KCNIP4: variants seen among roughly 807,000 people sequenced by gnomAD.
KCNIP4 encodes potassium voltage-gated channel interacting protein 4, also known as Kv channel-interacting protein 4.
Under a neutral mutation model 34.0 loss-of-function variants are expected in KCNIP4, and 12 were observed. The ratio of observed to expected loss-of-function variants is 0.35; its 90% CI spans 0.23 to 0.57. The LOEUF (loss-of-function observed/expected upper bound fraction) is 0.57, where lower values mean the gene tolerates loss of function less well. Among genes scored for constraint, KCNIP4 ranks in the 20% least tolerant of loss-of-function variants. KCNIP4 has a pLI of 0.83. For synonymous variants in KCNIP4, 124 were observed against 102.2 expected (o/e 1.21, Z -1.29); for missense variants, 238 against 311.7 (o/e 0.76, Z 1.78).
At chr4:20,905,763 G>A (rs530994149) in intron 1 of KCNIP4, among the ~76,000 whole-genome samples, 7 of 151,364 alleles carry the variant, frequency 4.6e-5, no homozygotes, top group Admixed American at 3.3e-4. Flanking sequence ...GTCGTGATCC[G>A]CCCGCCTTGG....
At chr4:21,293,003 C>T (rs1834353) in intron 1 of KCNIP4, among the ~76,000 whole-genome samples, 87,553 of 152,004 alleles carry the variant, frequency 0.58, 27,830 homozygotes, top group African/African-American at 0.86. Flanking sequence ...CTGTCCTAAA[C>T]GGGGAGGAGG....
At chr4:20,831,609 G>A (rs1451752872) in intron 3 of KCNIP4, among the ~76,000 whole-genome samples, 1 of 152,146 alleles carries the variant, frequency 6.6e-6, no homozygotes, top group Non-Finnish European at 1.5e-5. Context: ...AAAATCTGGT[G>A]ATTAACTGCA....
intron 1 of KCNIP4, among the ~76,000 whole-genome samples, chr4:21,625,680 A>G (rs1411336632): frequency 6.6e-6 from 1 of 152,172 alleles, no homozygotes; most frequent in East Asian, 1.9e-4. Context: ...TCTATATAAG[A>G]GAGAAGTACT....
chr4:21,045,344 C>T (rs1276421417), intron 1 of KCNIP4, among the ~76,000 whole-genome samples: 2 of 152,324 alleles, frequency 1.3e-5, no homozygotes, highest in East Asian at 3.9e-4. Flanking sequence ...GCATTTCTAA[C>T]AGGCTCCCAG....
chr4:21,208,955 T>C (rs1757040236), intron 1 of KCNIP4, among the ~76,000 whole-genome samples: 1 of 151,974 alleles, frequency 6.6e-6, no homozygotes, highest in Admixed American at 6.6e-5. Context: ...AAGAACTCAC[T>C]CTCTATAAAG....
At chr4:21,600,706 TACA>T (rs1743039104) in intron 1 of KCNIP4, among the ~76,000 whole-genome samples, 1 of 152,138 alleles carries the variant, frequency 6.6e-6, no homozygotes, top group Non-Finnish European at 1.5e-5. Flanking sequence ...TGCATGTGTT[TACA>T]ACACTTTCGA....
chr4:21,320,848 G>C (rs1467728317), intron 1 of KCNIP4, among the ~76,000 whole-genome samples: 1 of 151,588 alleles, frequency 6.6e-6, no homozygotes, highest in African/African-American at 2.4e-5. Flanking sequence ...GTACGTGCCT[G>C]TAATCCCAGC....
chr4:21,111,851 G>A (rs1749202673), intron 1 of KCNIP4, among the ~76,000 whole-genome samples: 1 of 152,204 alleles, frequency 6.6e-6, no homozygotes, highest in Non-Finnish European at 1.5e-5. Context: ...TGTCCATATA[G>A]TCCTGCCAGG....
chr4:21,761,311 TAGAC>T (rs1718034149), intron 1 of KCNIP4, among the ~76,000 whole-genome samples: 1 of 152,126 alleles, frequency 6.6e-6, no homozygotes, highest in Non-Finnish European at 1.5e-5. Flanking sequence ...TAAGGTGTGA[TAGAC>T]AGTCCTTCTT....
At position 21,771,252 on chromosome 4, in the gene KCNIP4, G is replaced by C. The variant is rs1468502291; in HGVS notation, c.61+177319C>G. On this transcript the variant is annotated intron_variant, in intron 1 of 8. Transcript: ENST00000382152. ...GTTTGTTGAAGATCAAATGGTTGTA[G>C]ATGTGTGGTGTTATTTCTGAGATCT... is the stretch of plus-strand genomic sequence containing the variant. 3.3e-5 allele frequency among the ~76,000 whole-genome samples: 5 copies of C among 152,130 alleles called. No homozygotes were observed. The East Asian group carries it at 9.6e-4, about 29-fold the overall frequency.
intron 1 of KCNIP4, among the ~76,000 whole-genome samples, chr4:21,129,235 C>T (rs1317452146): frequency 6.6e-6 from 1 of 152,192 alleles, no homozygotes. Flanking sequence ...GATTGTGAGG[C>T]CTACCTAGCC....
intron 1 of KCNIP4, among the ~76,000 whole-genome samples, chr4:21,216,275 C>A (rs1176471188): frequency 6.6e-6 from 1 of 152,204 alleles, no homozygotes; most frequent in Admixed American, 6.5e-5. Context: ...TAATAGCAAG[C>A]ACCTGAGCAG....
chr4:21,270,219 CACTT>C (rs1762058796), intron 1 of KCNIP4, among the ~76,000 whole-genome samples: 1 of 152,134 alleles, frequency 6.6e-6, no homozygotes, highest in African/African-American at 2.4e-5. Context: ...GTCAAATTAA[CACTT>C]ACACGGAAAT....
chr4:21,758,503 C>A (rs1490200381), intron 1 of KCNIP4, among the ~76,000 whole-genome samples: 2 of 152,182 alleles, frequency 1.3e-5, no homozygotes, highest in Non-Finnish European at 2.9e-5. Context: ...ATTTTCACTT[C>A]CTGCAATCCA....
Position 20,926,320 on chromosome 4 carries a change from G to A in KCNIP4, c.62-43611C>T, listed in dbSNP as rs192502649. Among the ~76,000 whole-genome samples the A allele has an allele frequency of 2.0e-3, 306 of 152,302 alleles. 1 individual carries two copies. The highest frequency in any genetic ancestry group is 7.1e-3 in the African/African-American group (296 of 41,562). On this transcript the variant is annotated intron_variant, in intron 1 of 8. Coordinates refer to ENST00000382152, the MANE Select transcript of KCNIP4 (RefSeq NM_025221.6). ...CTAAAGGAAAGTTTGACAGGTGAGA[G>A]GTGCAGGAATAGAATGCAACTTTTT...
intron 1 of KCNIP4, among the ~76,000 whole-genome samples, chr4:21,113,884 TAACTC>T (rs749535956): frequency 6.6e-6 from 1 of 152,232 alleles, no homozygotes; most frequent in Non-Finnish European, 1.5e-5. Flanking sequence ...ACATTTGACT[TAACTC>T]TAATACACCA....
At chr4:21,773,106 T>C (rs1273126854) in intron 1 of KCNIP4, among the ~76,000 whole-genome samples, 2 of 152,202 alleles carry the variant, frequency 1.3e-5, no homozygotes, top group African/African-American at 4.8e-5. Context: ...CCAGAGATTT[T>C]GGTACATTGC....
At chr4:21,858,964 T>C (rs1488140336) in intron 1 of KCNIP4, among the ~76,000 whole-genome samples, 2 of 152,286 alleles carry the variant, frequency 1.3e-5, no homozygotes, top group Admixed American at 1.3e-4. Context: ...CATGATGTTA[T>C]AATAAAACTG....
intron 1 of KCNIP4, among the ~76,000 whole-genome samples, chr4:21,493,557 C>T (rs1732589119): frequency 1.3e-5 from 2 of 152,224 alleles, no homozygotes; most frequent in African/African-American, 4.8e-5. Context: ...TGTGTCTTTA[C>T]ATTCCATTCT....
Sources: gnomAD v4.1 joint callset for allele counts (sites outside exome capture counted in the v4.1 genomes callset) on GRCh38, gnomAD v4.1.1 for gene constraint, MANE v1.5 for transcripts, NCBI Gene and HGNC (gene_info 2026-07-23, HGNC 2026-07-21) for gene names.